CNTN4: variants seen among roughly 807,000 people sequenced by gnomAD.
CNTN4 encodes contactin 4.
Under a neutral mutation model 122.5 loss-of-function variants are expected in CNTN4, and 77 were observed. That is an observed-to-expected ratio of 0.63 (90% confidence interval 0.52 to 0.76). The LOEUF is 0.76. Among genes scored for constraint, CNTN4 ranks in the 30% least tolerant of loss-of-function variants. CNTN4 has a pLI of 0.00. For synonymous variants in CNTN4, 512 were observed against 447.0 expected (o/e 1.15, Z -1.83); for missense variants, 1,256 against 1,259.1 (o/e 1.00, Z 0.04).
At chr3:2,360,181 G>A (rs1292539126) in intron 3 of CNTN4, among the ~76,000 whole-genome samples, 1 of 152,176 alleles carries the variant, frequency 6.6e-6, no homozygotes, top group East Asian at 1.9e-4. Context: ...CATTGGAACA[G>A]GATGGTAAAG....
chr3:2,484,451 C>T (rs1002075886), intron 3 of CNTN4, among the ~76,000 whole-genome samples: 3 of 152,104 alleles, frequency 2.0e-5, no homozygotes, highest in African/African-American at 7.2e-5. Context: ...TTTGGGCTTC[C>T]CTGGCATGCA....
At chr3:2,585,191 A>T (rs1011665911) in intron 4 of CNTN4, among the ~76,000 whole-genome samples, 2 of 152,148 alleles carry the variant, frequency 1.3e-5, no homozygotes, top group African/African-American at 2.4e-5. Context: ...AGGAAACAAC[A>T]GGTGCTGGAG....
chr3:2,678,106 G>A (rs1451793718), intron 4 of CNTN4, among the ~76,000 whole-genome samples: 1 of 152,068 alleles, frequency 6.6e-6, no homozygotes, highest in East Asian at 1.9e-4. Flanking sequence ...CTTCTTAGTA[G>A]TCCAATCCAC....
intron 6 of CNTN4, among the ~76,000 whole-genome samples, chr3:2,749,064 C>T (rs1053936104): frequency 6.6e-6 from 1 of 152,220 alleles, no homozygotes; most frequent in South Asian, 2.1e-4. Context: ...CCCTGTCTAA[C>T]ATAACAAGCA....
At chr3:2,328,526 T>C (rs1162450235) in intron 2 of CNTN4, among the ~76,000 whole-genome samples, 1 of 152,214 alleles carries the variant, frequency 6.6e-6, no homozygotes, top group Non-Finnish European at 1.5e-5. Flanking sequence ...TATTAATCTA[T>C]CTTTTGTTGT....
chr3:2,448,602 C>T (rs1420389496), intron 3 of CNTN4, among the ~76,000 whole-genome samples: 2 of 152,134 alleles, frequency 1.3e-5, no homozygotes, highest in Non-Finnish European at 2.9e-5. Context: ...ATTAACAGCT[C>T]CCTTTTCTGC....
At chr3:2,402,058 A>G (rs1202866285) in intron 3 of CNTN4, among the ~76,000 whole-genome samples, 2 of 152,150 alleles carry the variant, frequency 1.3e-5, no homozygotes, top group Non-Finnish European at 2.9e-5. Context: ...ACTCTGCTAC[A>G]ACCATACTTG....
At chr3:2,935,362 G>A (rs529873235) in intron 13 of CNTN4, among the ~76,000 whole-genome samples, 3 of 152,282 alleles carry the variant, frequency 2.0e-5, no homozygotes, top group African/African-American at 4.8e-5. Flanking sequence ...CTTTTGAAGT[G>A]TCTCACATAT....
intron 3 of CNTN4, among the ~76,000 whole-genome samples, chr3:2,504,324 T>G (rs1299528673): frequency 6.6e-6 from 1 of 152,198 alleles, no homozygotes; most frequent in Non-Finnish European, 1.5e-5. Context: ...ACCATCTTCA[T>G]GTTTTCTGGA....
intron 6 of CNTN4, among the ~76,000 whole-genome samples, chr3:2,811,500 G>A (rs1020740751): frequency 3.4e-5 from 5 of 147,296 alleles, no homozygotes; most frequent in South Asian, 4.5e-4. Context: ...TCGCTCTGTC[G>A]CCCAGGCTAG....
At position 2,525,803 on chromosome 3, in the gene CNTN4, G is replaced by C. The variant is rs529373113; in HGVS notation, c.-88-45613G>C. Among the ~76,000 whole-genome samples the C allele has an allele frequency of 9.3e-4, 142 of 152,114 alleles. 2 individuals are homozygous for C. The highest frequency in any genetic ancestry group is 1.4e-3 in the Non-Finnish European group (97 of 68,018). ...AGATAAACTGAGTACTGAAGGAAAT[G>C]GTTGATTAAATATTATTCAGTTTGC... On this transcript the variant is annotated intron_variant, in intron 3 of 24. Transcript: ENST00000418658.
chr3:3,049,909 TCA>T (rs1701080815), intron 23 of CNTN4, among the ~76,000 whole-genome samples: 1 of 152,202 alleles, frequency 6.6e-6, no homozygotes, highest in Admixed American at 6.5e-5. Context: ...GGAATATAGA[TCA>T]CTGGCTTAGT....
At chr3:2,442,573 C>A (rs556220135) in intron 3 of CNTN4, among the ~76,000 whole-genome samples, 3 of 150,572 alleles carry the variant, frequency 2.0e-5, no homozygotes, top group Non-Finnish European at 4.4e-5. Context: ...GTCGTTAACC[C>A]CCATCCCTAA....
At chr3:2,617,654 C>T (rs2081821988) in intron 4 of CNTN4, among the ~76,000 whole-genome samples, 2 of 151,916 alleles carry the variant, frequency 1.3e-5, no homozygotes, top group South Asian at 4.2e-4. Flanking sequence ...ATCTCTTGAC[C>T]TAGTGATCCG....
intron 12 of CNTN4, among the ~76,000 whole-genome samples, chr3:2,904,078 T>G (rs1033919269): frequency 2.6e-5 from 4 of 152,116 alleles, no homozygotes; most frequent in Non-Finnish European, 5.9e-5. Flanking sequence ...AATTTTGAAT[T>G]TGTCTATTAT....
At chr3:2,571,920 T>G (rs2079439286) in intron 4 of CNTN4, among the ~76,000 whole-genome samples, 1 of 152,198 alleles carries the variant, frequency 6.6e-6, no homozygotes, top group African/African-American at 2.4e-5. Context: ...TTCATTTCAG[T>G]GGATGGACGT....
At chr3:2,553,055 C>T (rs939673087) in intron 3 of CNTN4, among the ~76,000 whole-genome samples, 4 of 152,170 alleles carry the variant, frequency 2.6e-5, no homozygotes, top group Non-Finnish European at 5.9e-5. Context: ...TATCAACTCA[C>T]GGTGATTCCA....
chr3:2,401,959 T>A (rs943829179), intron 3 of CNTN4, among the ~76,000 whole-genome samples: 1 of 152,148 alleles, frequency 6.6e-6, no homozygotes, highest in Non-Finnish European at 1.5e-5. Flanking sequence ...GAATTTAAAA[T>A]GTATTAGAGC....
chr3:2,748,597 T>C (rs189708095), intron 6 of CNTN4, among the ~76,000 whole-genome samples: 34 of 152,224 alleles, frequency 2.2e-4, no homozygotes, highest in Non-Finnish European at 4.7e-4. Context: ...TGGACACTCT[T>C]GTTCAACCAG....
Sources: allele counts gnomAD v4.1 joint callset (sites outside exome capture counted in the v4.1 genomes callset), GRCh38; gene constraint gnomAD v4.1.1; transcripts MANE v1.5; gene names NCBI Gene and HGNC (gene_info 2026-07-23, HGNC 2026-07-21).